Variants in SLC49A4 observed in about 807,000 individuals in gnomAD.
The protein encoded by SLC49A4 is solute carrier family 49 member 4, also known as disrupted in renal cancer protein 2.
Under a neutral mutation model 50.6 loss-of-function variants are expected in SLC49A4, and 36 were observed. That is an observed-to-expected ratio of 0.71 (90% CI 0.55 to 0.94). SLC49A4 has a LOEUF of 0.94. SLC49A4 is among the 40% of genes least tolerant of loss of function. The probability of loss-of-function intolerance (pLI) is 0.00; values close to 1 mark genes in which losing one functional copy is unlikely to be tolerated. For missense variants in SLC49A4, 503 were observed against 605.7 expected (o/e 0.83, Z 1.78); for synonymous variants, 248 against 241.2 (o/e 1.03, Z -0.26).
chr3:122,802,886 C>T (rs941583290), intron 1 of SLC49A4, among the ~76,000 whole-genome samples: 2 of 151,904 alleles, frequency 1.3e-5, no homozygotes, highest in African/African-American at 2.4e-5. Flanking sequence ...AAGACTAAAA[C>T]CGATCAAACA....
At position 122,813,866 on chromosome 3, in the gene SLC49A4, T is replaced by G. The variant is rs115504086; in HGVS notation, c.437+6916T>G. On this transcript the variant is annotated intron_variant, in intron 2 of 8. Coordinates refer to ENST00000261038, the MANE Select transcript of SLC49A4 (RefSeq NM_032839.3). ...TTACATATTAGTTTAAAAAAATGAA[T>G]CCTTACTTTGCACCATGCATTAAAA... is the stretch of plus-strand genomic sequence containing the variant. 5.4e-3 allele frequency among the ~76,000 whole-genome samples: 830 copies of G among 152,340 alleles called. 6 individuals carry two copies. The highest frequency in any genetic ancestry group is 0.019 in the African/African-American group (794 of 41,572).
chr3:122,840,014 T>TAGGAA (rs1466176945), intron 4 of SLC49A4, among the ~76,000 whole-genome samples: 19 of 151,926 alleles, frequency 1.3e-4, no homozygotes, highest in African/African-American at 4.6e-4. Context: ...GACCAATGAG[T>TAGGAA]AGGAAAATGA....
rs1395908101 is a variant in SLC49A4 at position 122,879,178 on chromosome 3, G to A, written c.1322-85G>A. On this transcript the variant is annotated intron_variant, in intron 8 of 8. Coordinates refer to ENST00000261038, the MANE Select transcript of SLC49A4 (RefSeq NM_032839.3). ...ACATTTATTATAAGTACTTTTTAAT[G>A]CAGAGCAGATTCCTTCCGGCATACA... 17 of 956,186 alleles carry A rather than the reference G, an allele frequency of 1.8e-5. No homozygotes were observed. The East Asian group carries it at 4.1e-4, about 23-fold the overall frequency. The allele number at this position is 956,186 out of a possible 1,614,324, so 59.2% of individuals were successfully genotyped here. A position where few individuals can be genotyped will look rare whatever the true frequency, so the allele number is the denominator to read the frequency against.
At chr3:122,845,465 A>G (rs367634263) in intron 4 of SLC49A4, among the ~76,000 whole-genome samples, 6 of 152,166 alleles carry the variant, frequency 3.9e-5, no homozygotes, top group African/African-American at 4.8e-5. Context: ...GATTTACCCA[A>G]TAATGGATTG....
chr3:122,834,991 A>G, intron 4 of SLC49A4, among the ~76,000 whole-genome samples: 1 of 152,204 alleles, frequency 6.6e-6, no homozygotes, highest in Non-Finnish European at 1.5e-5. Flanking sequence ...ACCCTCCTAG[A>G]TTAAATCAGG....
chr3:122,857,028 C>T (rs192213595), intron 6 of SLC49A4, among the ~76,000 whole-genome samples: 35 of 151,904 alleles, frequency 2.3e-4, no homozygotes, highest in Non-Finnish European at 3.7e-4. Flanking sequence ...AAATTAATAG[C>T]TGTGGAGACT....
intron 2 of SLC49A4, 37 bp downstream of exon 2, chr3:122,806,987 A>G (rs770481900): frequency 7.8e-7 from 1 of 1,277,198 alleles, no homozygotes; most frequent in Non-Finnish European, 1.1e-6. Flanking sequence ...CCCATTTTTC[A>G]TTTTATTATG....
intron 2 of SLC49A4, among the ~76,000 whole-genome samples, chr3:122,807,542 G>C (rs1452950047): frequency 6.6e-6 from 1 of 152,114 alleles, no homozygotes; most frequent in Non-Finnish European, 1.5e-5. Flanking sequence ...TAAGGTATAC[G>C]AAGGTTTTAA....
chr3:122,799,404 G>C (rs1274019243), intron 1 of SLC49A4, among the ~76,000 whole-genome samples: 1 of 152,146 alleles, frequency 6.6e-6, no homozygotes, highest in Non-Finnish European at 1.5e-5. Flanking sequence ...TCTGGCAAAG[G>C]GAATAGCAAA....
Position 122,795,373 on chromosome 3 carries a change from C to T in SLC49A4, c.181C>T (p.Leu61=). 6.3e-7 allele frequency: 1 copy of T among 1,599,028 alleles called. No individual in the cohort carries two copies. The part of the protein sequence containing the change: ...RWLVLLLFSL[L]AFVQGLVWNT... ...GCTGGTGCTGCTGCTCTTCTCGCTG[C>T]TGGCGTTCGTTCAGGGCCTGGTCTG... The change falls in exon 1 of 9, where the codon CTG becomes TTG. Residue 61 remains leucine (L), a synonymous_variant. Transcript: ENST00000261038.
chr3:122,842,936 C>G (rs59879184), intron 4 of SLC49A4, among the ~76,000 whole-genome samples: 2,183 of 152,292 alleles, frequency 0.014, 61 homozygotes, highest in African/African-American at 0.05. Flanking sequence ...CCCCCAGTCT[C>G]TCATAGAATT....
intron 5 of SLC49A4, 69 bp from the exon 6 acceptor site, chr3:122,856,238 T>A (rs906706613): frequency 2.0e-6 from 3 of 1,522,344 alleles, no homozygotes; most frequent in Non-Finnish European, 2.7e-6. Context: ...TATAGAGGAC[T>A]TTTTTTCATT....
intron 4 of SLC49A4, among the ~76,000 whole-genome samples, chr3:122,835,550 G>A (rs1936668942): frequency 6.6e-6 from 1 of 151,782 alleles, no homozygotes; most frequent in Non-Finnish European, 1.5e-5. Flanking sequence ...GCATTCAGTA[G>A]CATCTCTTTA....
chr3:122,879,364 G>T lies in SLC49A4; in HGVS notation c.1423G>T (p.Val475Phe). The T allele has an allele frequency of 6.2e-7, 1 of 1,612,980 alleles. No individual in the cohort carries two copies. Among genetic ancestry groups the T allele is most frequent in the Non-Finnish European group, 8.5e-7 (1 of 1,179,086 alleles). ...CTATGACAGACTCTATCTTGATGTGGTTGTCTCCGTTTAATAGCACAGACT... is the reference window on the plus strand; with the variant it reads ...CTATGACAGACTCTATCTTGATGTGTTTGTCTCCGTTTAATAGCACAGACT... ...ESYDRLYLDV[V>F]VSV Residue 475 changes from valine (V) to phenylalanine (F), a missense_variant, in exon 9 of 9, where the codon GTT (valine) becomes TTT (phenylalanine). Coordinates refer to ENST00000261038, the MANE Select transcript of SLC49A4 (RefSeq NM_032839.3).
chr3:122,800,706 G>C (rs1027360144), intron 1 of SLC49A4, among the ~76,000 whole-genome samples: 1 of 152,206 alleles, frequency 6.6e-6, no homozygotes, highest in African/African-American at 2.4e-5. Flanking sequence ...TGATTCTTTA[G>C]TAGTAACGGG....
At chr3:122,836,800 A>G (rs1936693806) in intron 4 of SLC49A4, among the ~76,000 whole-genome samples, 8 of 152,210 alleles carry the variant, frequency 5.3e-5, no homozygotes, top group Admixed American at 5.2e-4. Context: ...GCATGATCGT[A>G]TATCTAGAAA....
chr3:122,826,935 T>C lies in SLC49A4; in HGVS notation c.573T>C (p.Tyr191=). The change falls in exon 3 of 9, where the codon TAT becomes TAC. Residue 191 remains tyrosine (Y), a synonymous_variant. Coordinates refer to ENST00000261038, the MANE Select transcript of SLC49A4 (RefSeq NM_032839.3). Reference sequence around the variant, plus strand: ...CAGCTATTGCATCAATGCTCAGTTATCTTGGGGGAGCATGTGCATTTTTAG... The same window carrying C: ...CAGCTATTGCATCAATGCTCAGTTACCTTGGGGGAGCATGTGCATTTTTAG... The part of the protein sequence containing the change: ...TATAIASMLS[Y]LGGACAFLVG... 6.2e-7 allele frequency: 1 copy of C among 1,614,250 alleles called. No homozygotes were observed. Among genetic ancestry groups the C allele is most frequent in the Middle Eastern group, 1.6e-4 (1 of 6,062 alleles).
intron 8 of SLC49A4, among the ~76,000 whole-genome samples, chr3:122,873,928 C>T (rs1204827429): frequency 1.3e-5 from 2 of 152,184 alleles, no homozygotes; most frequent in East Asian, 3.9e-4. Flanking sequence ...TGTGATCCCC[C>T]CTGGGATGGT....
chr3:122,810,219 C>G (rs1332220639), intron 2 of SLC49A4, among the ~76,000 whole-genome samples: 1 of 152,158 alleles, frequency 6.6e-6, no homozygotes, highest in East Asian at 1.9e-4. Flanking sequence ...CAAGCTCTTC[C>G]TAATGGTGTT....
Sources: gnomAD v4.1 joint callset for allele counts (sites outside exome capture counted in the v4.1 genomes callset) on GRCh38, gnomAD v4.1.1 for gene constraint, MANE v1.5 for transcripts, NCBI Gene and HGNC (gene_info 2026-07-23, HGNC 2026-07-21) for gene names.